CCDC192: variants seen among roughly 807,000 people sequenced by gnomAD.
The protein encoded by CCDC192 is coiled-coil domain containing 192.
intron 5 of CCDC192, among the ~76,000 whole-genome samples, chr5:127,804,031 G>T (rs542515837): frequency 5.3e-5 from 8 of 152,292 alleles, no homozygotes; most frequent in African/African-American, 1.7e-4. Flanking sequence ...GGCATGGGAG[G>T]CACCCAGGAC....
intron 6 of CCDC192, among the ~76,000 whole-genome samples, chr5:127,910,446 T>C (rs1467381189): frequency 2.0e-5 from 3 of 152,190 alleles, no homozygotes; most frequent in African/African-American, 7.2e-5. Context: ...GGTTAGTGCA[T>C]CCATCTTTAC....
At chr5:127,744,586 T>C (rs926886100) in intron 2 of CCDC192, among the ~76,000 whole-genome samples, 1 of 152,216 alleles carries the variant, frequency 6.6e-6, no homozygotes, top group Non-Finnish European at 1.5e-5. Flanking sequence ...ACCACACTTT[T>C]ATTTAAAAAT....
intron 3 of CCDC192, among the ~76,000 whole-genome samples, chr5:127,766,478 C>T (rs537131981): frequency 6.6e-6 from 1 of 152,032 alleles, no homozygotes; most frequent in East Asian, 1.9e-4. Flanking sequence ...CAGTTCTAAC[C>T]ATTTCTAGAT....
At chr5:127,915,097 C>G (rs1384935230) in intron 6 of CCDC192, among the ~76,000 whole-genome samples, 8 of 151,978 alleles carry the variant, frequency 5.3e-5, no homozygotes, top group Admixed American at 5.2e-4. Context: ...TCCCGGGAAC[C>G]AGAATAAAGT....
chr5:127,789,954 T>G (rs1294252331), intron 3 of CCDC192, among the ~76,000 whole-genome samples: 1 of 152,196 alleles, frequency 6.6e-6, no homozygotes, highest in African/African-American at 2.4e-5. Context: ...CCTTGGGGTT[T>G]AGCTTCTCTC....
chr5:127,759,744 G>C (rs190028643), intron 3 of CCDC192, among the ~76,000 whole-genome samples: 1 of 152,240 alleles, frequency 6.6e-6, no homozygotes, highest in East Asian at 1.9e-4. Flanking sequence ...TACCACAAAA[G>C]TCTTTCTTTC....
intron 6 of CCDC192, among the ~76,000 whole-genome samples, chr5:127,916,159 T>TTTTC (rs1753514767): frequency 6.6e-6 from 1 of 152,266 alleles, no homozygotes; most frequent in Non-Finnish European, 1.5e-5. Context: ...TCTATTTCAA[T>TTTTC]AAAACATTTT....
chr5:127,873,411 C>T (rs967757694), intron 5 of CCDC192, among the ~76,000 whole-genome samples: 1 of 152,042 alleles, frequency 6.6e-6, no homozygotes, highest in Non-Finnish European at 1.5e-5. Flanking sequence ...ATAGTAAACA[C>T]CCATATAACT....
intron 5 of CCDC192, among the ~76,000 whole-genome samples, chr5:127,829,379 G>A (rs1749682658): frequency 1.8e-5 from 1 of 56,854 alleles, no homozygotes; most frequent in Non-Finnish European, 3.2e-5. Flanking sequence ...TTGTTTTTTG[G>A]TAATTATAAA....
At chr5:127,852,187 C>T (rs1427857620) in intron 5 of CCDC192, among the ~76,000 whole-genome samples, 2 of 152,180 alleles carry the variant, frequency 1.3e-5, no homozygotes, top group East Asian at 1.9e-4. Context: ...CAATTATTCT[C>T]GTCAGTCTGG....
chr5:127,934,220 ATCT>A (rs1216045215), intron 6 of CCDC192, among the ~76,000 whole-genome samples: 2 of 152,208 alleles, frequency 1.3e-5, no homozygotes, highest in Admixed American at 6.5e-5. Flanking sequence ...AAACAGACAG[ATCT>A]TCTTAAACTC....
chr5:127,784,575 A>G, intron 3 of CCDC192: 1 of 506,350 alleles, frequency 2.0e-6, no homozygotes. Flanking sequence ...AACATGAACT[A>G]TTTGCTGTGG....
chr5:127,703,551 TTCTGG>T (rs1750794891), intron 1 of CCDC192, 44 bp downstream of exon 1: 1 of 398,006 alleles, frequency 2.5e-6, no homozygotes, highest in Admixed American at 4.4e-5. Context: ...TCATGGGAAT[TTCTGG>T]ATAAAGTAGC....
intron 5 of CCDC192, among the ~76,000 whole-genome samples, chr5:127,846,263 T>C (rs544044869): frequency 6.9e-6 from 1 of 144,372 alleles, no homozygotes; most frequent in African/African-American, 2.6e-5. Flanking sequence ...CACTCCAGCC[T>C]GGGCGACAGA....
At chr5:127,931,233 AAG>A (rs1456792263) in intron 6 of CCDC192, among the ~76,000 whole-genome samples, 1 of 152,168 alleles carries the variant, frequency 6.6e-6, no homozygotes, top group Non-Finnish European at 1.5e-5. Context: ...TAGGAAGGAA[AAG>A]AGAGTCTAAG....
intron 5 of CCDC192, among the ~76,000 whole-genome samples, chr5:127,808,772 T>C (rs1366492619): frequency 6.6e-6 from 1 of 152,226 alleles, no homozygotes; most frequent in Non-Finnish European, 1.5e-5. Context: ...GCCTTTATTC[T>C]ACTCCATTAG....
At chr5:127,724,573 G>A (rs1415481544) in intron 2 of CCDC192, among the ~76,000 whole-genome samples, 9 of 152,090 alleles carry the variant, frequency 5.9e-5, no homozygotes, top group Non-Finnish European at 1.0e-4. Flanking sequence ...AGTCTAGGCC[G>A]GGCACAGTGG....
chr5:127,852,875 G>A (rs1187447241), intron 5 of CCDC192, among the ~76,000 whole-genome samples: 1 of 152,166 alleles, frequency 6.6e-6, no homozygotes, highest in Admixed American at 6.5e-5. Context: ...CGGGCAGATG[G>A]TCAGGAGATA....
chr5:127,707,331 G>A (rs947666563), intron 1 of CCDC192, among the ~76,000 whole-genome samples: 1 of 150,794 alleles, frequency 6.6e-6, no homozygotes, highest in Non-Finnish European at 1.5e-5. Context: ...AAGAGAGAGG[G>A]AGAGAGAACA....
Sources: gnomAD v4.1 joint callset for allele counts (sites outside exome capture counted in the v4.1 genomes callset) on GRCh38, gnomAD v4.1.1 for gene constraint, MANE v1.5 for transcripts, NCBI Gene and HGNC (gene_info 2026-07-23, HGNC 2026-07-21) for gene names.